BMS1: variants seen among roughly 807,000 people sequenced by gnomAD.
BMS1 encodes ribosome biogenesis protein BMS1 homolog.
BMS1 carries 53 observed loss-of-function variants against 138.7 expected under a neutral mutation model. That is an observed-to-expected ratio of 0.38 (90% CI 0.31 to 0.48). The LOEUF (loss-of-function observed/expected upper bound fraction) is 0.48, where lower values mean the gene tolerates loss of function less well. Among genes scored for constraint, BMS1 ranks in the 20% least tolerant of loss-of-function variants. The pLI is 0.97. For synonymous variants in BMS1, 504 were observed against 539.9 expected, an observed-to-expected ratio of 0.93 and a Z score of 0.92; for missense variants, 1,360 against 1,565.5, an observed-to-expected ratio of 0.87 and a Z score of 2.22.
chr10:42,814,003 G>A (rs1207636459), intron 13 of BMS1, among the ~76,000 whole-genome samples: 2 of 152,058 alleles, frequency 1.3e-5, no homozygotes, highest in African/African-American at 4.8e-5. Flanking sequence ...GGCCTCCATG[G>A]CATTTGAGTT....
intron 9 of BMS1, 120 bp from the exon 10 acceptor site, chr10:42,796,354 C>A: frequency 8.4e-7 from 1 of 1,187,844 alleles, no homozygotes; most frequent in Admixed American, 2.8e-5. Context: ...TATGCTATGT[C>A]ATCTTAAACA....
chr10:42,829,609 T>A (rs946013948), intron 21 of BMS1, among the ~76,000 whole-genome samples: 2 of 150,398 alleles, frequency 1.3e-5, no homozygotes, highest in East Asian at 2.0e-4. Context: ...AGGTCAGGAG[T>A]TCAAGATTTC....
intron 4 of BMS1, among the ~76,000 whole-genome samples, chr10:42,788,074 G>T (rs758889644): frequency 1.3e-5 from 2 of 152,050 alleles, no homozygotes; most frequent in African/African-American, 2.4e-5. Flanking sequence ...TTTATACTTT[G>T]GCCCAGGAAG....
chr10:42,784,653 C>G, intron 2 of BMS1, 83 bp downstream of exon 2: 1 of 1,460,854 alleles, frequency 6.8e-7, no homozygotes, highest in Non-Finnish European at 9.2e-7. Context: ...CATTTGGATT[C>G]ACGAGTCTAG....
intron 13 of BMS1, among the ~76,000 whole-genome samples, chr10:42,815,906 G>T (rs1842333807): frequency 6.6e-6 from 1 of 152,206 alleles, no homozygotes; most frequent in African/African-American, 2.4e-5. Context: ...AACTTACATT[G>T]AGACTCCTTT....
At chr10:42,830,472 C>T in intron 22 of BMS1, 50 bp downstream of exon 22, 2 of 1,560,968 alleles carry the variant, frequency 1.3e-6, no homozygotes, top group Non-Finnish European at 1.7e-6. Context: ...AGGAAAAGAA[C>T]ACTCTCAATA....
chr10:42,822,344 A>G (rs1842524998), intron 19 of BMS1, among the ~76,000 whole-genome samples, 160 bp downstream of exon 19: 1 of 152,222 alleles, frequency 6.6e-6, no homozygotes, highest in Non-Finnish European at 1.5e-5. Flanking sequence ...GTGTTACTTA[A>G]ATATGCTCTA....
chr10:42,807,630 C>T (rs1842050587), intron 13 of BMS1, among the ~76,000 whole-genome samples: 1 of 152,116 alleles, frequency 6.6e-6, no homozygotes, highest in African/African-American at 2.4e-5. Flanking sequence ...CACCACCGTG[C>T]CTGGCTAATA....
chr10:42,783,366 T>G (rs1299984633), intron 1 of BMS1, among the ~76,000 whole-genome samples: 1 of 152,160 alleles, frequency 6.6e-6, no homozygotes, highest in Non-Finnish European at 1.5e-5. Flanking sequence ...CGTGCTCCAG[T>G]AGCACCCTGT....
chr10:42,784,666 C>CTGG, intron 2 of BMS1, 96 bp downstream of exon 2: 1 of 1,375,168 alleles, frequency 7.3e-7, no homozygotes, highest in South Asian at 1.6e-5. Context: ...GAGTCTAGTC[C>CTGG]AGCTCCAAAG....
chr10:42,799,979 A>G (rs1383064109), intron 12 of BMS1, among the ~76,000 whole-genome samples: 4 of 152,012 alleles, frequency 2.6e-5, no homozygotes, highest in African/African-American at 9.7e-5. Context: ...GATTTTGTGG[A>G]TTGCTTTGCA....
At chr10:42,795,977 T>G (rs1488515797) in intron 9 of BMS1, among the ~76,000 whole-genome samples, 1 of 152,214 alleles carries the variant, frequency 6.6e-6, no homozygotes, top group African/African-American at 2.4e-5. Context: ...CTGGCCCAGA[T>G]TTGGCTGCAG....
intron 13 of BMS1, among the ~76,000 whole-genome samples, chr10:42,809,779 G>C (rs1303319224): frequency 6.6e-6 from 1 of 151,828 alleles, no homozygotes; most frequent in Admixed American, 6.6e-5. Context: ...TTTTGATATA[G>C]ATTACACTGA....
At chr10:42,788,794 C>T (rs926658707) in intron 4 of BMS1, among the ~76,000 whole-genome samples, 4 of 152,144 alleles carry the variant, frequency 2.6e-5, no homozygotes, top group South Asian at 4.2e-4. Context: ...TTAGTATAAC[C>T]GCTGGTCTCT....
At chr10:42,821,181 G>C (rs1408363980) in intron 18 of BMS1, among the ~76,000 whole-genome samples, 189 bp downstream of exon 18, 1 of 152,178 alleles carries the variant, frequency 6.6e-6, no homozygotes, top group Non-Finnish European at 1.5e-5. Context: ...GGAGGTGGAA[G>C]AATTATAATG....
Position 42,830,337 on chromosome 10 carries a change from A to G in BMS1, c.3533A>G (p.Asn1178Ser). 6.2e-7 allele frequency: 1 copy of G among 1,614,078 alleles called. No homozygotes were observed. Among genetic ancestry groups the G allele is most frequent in the Non-Finnish European group, 8.5e-7 (1 of 1,180,028 alleles). The change falls in exon 22 of 23, where the codon AAC becomes AGC. Residue 1178 changes from asparagine (N) to serine (S), a missense_variant. Transcript: ENST00000374518. ...KALQKALPFK[N>S]KPKTQAKAGK... ...TTGCAGAAGGCCCTGCCATTTAAGA[A>G]CAAGCCCAAGACCCAAGCAAAGGCA...
chr10:42,795,832 C>A (rs1414479853), intron 9 of BMS1, among the ~76,000 whole-genome samples: 1 of 152,162 alleles, frequency 6.6e-6, no homozygotes, highest in Non-Finnish European at 1.5e-5. Flanking sequence ...ATTCCTCCTA[C>A]GTTTGTTAGC....
At chr10:42,797,378 A>G (rs752518155) in intron 10 of BMS1, 44 bp from the exon 11 acceptor site, 12 of 1,603,572 alleles carry the variant, frequency 7.5e-6, no homozygotes, top group African/African-American at 1.3e-5. Flanking sequence ...GGGAGGGGAG[A>G]CACATGAATA....
At chr10:42,789,329 C>T (rs1047459797) in intron 4 of BMS1, among the ~76,000 whole-genome samples, 1 of 152,256 alleles carries the variant, frequency 6.6e-6, no homozygotes, top group African/African-American at 2.4e-5. Flanking sequence ...TGCTTTCTCA[C>T]AAGCCCACCT....
Sources: gnomAD v4.1 joint callset for allele counts (sites outside exome capture counted in the v4.1 genomes callset) on GRCh38, gnomAD v4.1.1 for gene constraint, MANE v1.5 for transcripts, NCBI Gene and HGNC (gene_info 2026-07-23, HGNC 2026-07-21) for gene names.